The following DPY19L3 variants were observed in gnomAD, a reference collection of about 807,000 sequenced individuals.
DPY19L3 encodes the protein protein C-mannosyl-transferase DPY19L3.
Under a neutral mutation model 92.3 loss-of-function variants are expected in DPY19L3, and 51 were observed. The ratio of observed to expected loss-of-function variants is 0.55; its 90% CI spans 0.44 to 0.70. The LOEUF (loss-of-function observed/expected upper bound fraction) is 0.70. DPY19L3 is among the 30% of genes least tolerant of loss of function. The probability of loss-of-function intolerance (pLI) is 0.00; values close to 1 mark genes in which losing one functional copy is unlikely to be tolerated. For missense variants in DPY19L3, 706 were observed against 855.9 expected (o/e 0.82, Z 2.18); for synonymous variants, 309 against 315.2 (o/e 0.98, Z 0.21).
chr19:32,463,589 T>A, intron 13 of DPY19L3, 101 bp downstream of exon 13: 2 of 1,374,636 alleles, frequency 1.5e-6, no homozygotes, highest in Non-Finnish European at 2.0e-6. Context: ...TTAATGATCA[T>A]GGTTCCCATA....
intron 8 of DPY19L3, among the ~76,000 whole-genome samples, chr19:32,444,668 T>C (rs560014678): frequency 5.3e-5 from 8 of 152,314 alleles, no homozygotes; most frequent in Non-Finnish European, 4.4e-5. Flanking sequence ...AGAGCCACAC[T>C]AAGACACATT....
chr19:32,413,869 G>C (rs933140950), intron 3 of DPY19L3, among the ~76,000 whole-genome samples: 3 of 152,052 alleles, frequency 2.0e-5, no homozygotes, highest in African/African-American at 7.2e-5. Flanking sequence ...GGGACCACAG[G>C]TGCACGTCAC....
chr19:32,485,805 G>A lies in DPY19L3; in HGVS notation c.*3565G>A, dbSNP rs1970782820. ...TTGATTTTCTGTTTTAACACCCTTT[G>A]GGTAAAATCTTGCAAAGAGCTTTTA... On this transcript the variant is annotated 3_prime_UTR_variant, in exon 19 of 19. Coordinates refer to ENST00000392250, the MANE Select transcript of DPY19L3 (RefSeq NM_001172774.2). The A allele has an allele frequency of 6.6e-6, 1 of 152,114 alleles. No individual in the cohort carries two copies. Among genetic ancestry groups the A allele is most frequent in the African/African-American group, 2.4e-5 (1 of 41,428 alleles). 9.4% of individuals were successfully genotyped at this position (152,114 alleles called of 1,614,324 possible). A position where few individuals can be genotyped will look rare whatever the true frequency, so the allele number is the denominator to read the frequency against.
In DPY19L3 at chr19:32,436,583, T is replaced by C. The variant is rs748122444; in HGVS notation, c.450+16T>C. On this transcript the variant is annotated intron_variant, in intron 5 of 18. Coordinates refer to ENST00000392250, the MANE Select transcript of DPY19L3 (RefSeq NM_001172774.2). ...ACCCATACAGGTATGTTTTGTGATA[T>C]TGAATTATTAATATCAGATGAAAGT... 7 of 1,460,740 alleles carry C rather than the reference T, an allele frequency of 4.8e-6. No homozygotes were observed. The highest frequency in any genetic ancestry group is 2.9e-5 in the African/African-American group (2 of 69,742). 90.5% of individuals were successfully genotyped at this position (1,460,740 alleles called of 1,614,324 possible).
At chr19:32,425,262 C>T (rs1006380801) in intron 3 of DPY19L3, among the ~76,000 whole-genome samples, 1 of 152,100 alleles carries the variant, frequency 6.6e-6, no homozygotes, top group Non-Finnish European at 1.5e-5. Flanking sequence ...CTCCAAAGTA[C>T]ACCATCAGAC....
At chr19:32,412,022 A>C (rs1968201662) in intron 3 of DPY19L3, 1 of 152,200 alleles carries the variant, frequency 6.6e-6, no homozygotes, top group African/African-American at 2.4e-5. Flanking sequence ...GACCCCAGGC[A>C]TGCACCACCT....
chr19:32,463,175 TTAA>T, intron 12 of DPY19L3, among the ~76,000 whole-genome samples, 188 bp from the exon 13 acceptor site: 1 of 152,352 alleles, frequency 6.6e-6, no homozygotes, highest in Middle Eastern at 3.4e-3. Context: ...TTTCTCATTA[TTAA>T]TGCATTTATA....
chr19:32,410,014 A>G (rs1774550603), intron 2 of DPY19L3, among the ~76,000 whole-genome samples: 1 of 152,192 alleles, frequency 6.6e-6, no homozygotes, highest in Middle Eastern at 3.2e-3. Flanking sequence ...CACTGCTGCC[A>G]TGTTGCATTC....
At chr19:32,457,751 G>A (rs575293948) in intron 10 of DPY19L3, among the ~76,000 whole-genome samples, 15 of 152,262 alleles carry the variant, frequency 9.9e-5, no homozygotes, top group Non-Finnish European at 1.6e-4. Flanking sequence ...TCAGATCATC[G>A]TCTTGTCAGT....
chr19:32,449,993 A>G (rs914753777), intron 8 of DPY19L3, among the ~76,000 whole-genome samples: 2 of 144,796 alleles, frequency 1.4e-5, no homozygotes, highest in African/African-American at 2.6e-5. Context: ...ACGAGAGAGA[A>G]TATTTGCAAT....
In DPY19L3 at chr19:32,482,144, A is replaced by G. The variant is rs1212768914; in HGVS notation, c.2055A>G (p.Glu685=). 1.2e-6 allele frequency: 2 copies of G among 1,613,910 alleles called. No individual in the cohort carries two copies. Among genetic ancestry groups the G allele is most frequent in the Admixed American group, 1.7e-5 (1 of 60,014 alleles). ...LKPADHPRFC[E]EIKRNLPPYV... ...CTGCAGACCACCCTCGCTTCTGTGA[A>G]GAGATCAAAAGAAACCTGCCTCCCT... is the stretch of plus-strand genomic sequence containing the variant. Residue 685 remains glutamate (E), a synonymous_variant, in exon 19 of 19, where the codon GAA becomes GAG. Transcript: ENST00000392250.
chr19:32,408,400 T>G (rs192728264), intron 2 of DPY19L3, 44 bp downstream of exon 2: 3 of 1,438,632 alleles, frequency 2.1e-6, no homozygotes, highest in Middle Eastern at 1.8e-4. Flanking sequence ...TGCTTTTATT[T>G]CTGCATATTA....
intron 16 of DPY19L3, among the ~76,000 whole-genome samples, chr19:32,474,483 G>C (rs572495835): frequency 6.6e-6 from 1 of 152,212 alleles, no homozygotes; most frequent in African/African-American, 2.4e-5. Flanking sequence ...TTCATTTCCA[G>C]CTTAGCTGAA....
chr19:32,426,951 G>C (rs975162498), intron 3 of DPY19L3, among the ~76,000 whole-genome samples: 1 of 152,136 alleles, frequency 6.6e-6, no homozygotes, highest in Non-Finnish European at 1.5e-5. Context: ...GCCTGAAGTC[G>C]TTTCCCTTTG....
At chr19:32,452,215 G>A (rs1969724145) in intron 8 of DPY19L3, among the ~76,000 whole-genome samples, 1 of 152,150 alleles carries the variant, frequency 6.6e-6, no homozygotes, top group African/African-American at 2.4e-5. Flanking sequence ...TCTTGTTCAC[G>A]ATGAACCATT....
chr19:32,457,922 T>C (rs896341379), intron 10 of DPY19L3, among the ~76,000 whole-genome samples, 178 bp from the exon 11 acceptor site: 10 of 152,244 alleles, frequency 6.6e-5, no homozygotes, highest in Admixed American at 2.6e-4. Context: ...TGGAAGGAGT[T>C]TGGAAGTCCC....
At chr19:32,439,991 G>A in intron 8 of DPY19L3, 81 bp downstream of exon 8, 1 of 1,534,112 alleles carries the variant, frequency 6.5e-7, no homozygotes, top group East Asian at 2.3e-5. Context: ...AAATATGCAA[G>A]TACTTATGGA....
chr19:32,456,624 G>A (rs899019100), intron 10 of DPY19L3, among the ~76,000 whole-genome samples: 1 of 147,950 alleles, frequency 6.8e-6, no homozygotes, highest in Admixed American at 6.7e-5. Flanking sequence ...TGTAGAGATG[G>A]GATCTTGTCA....
chr19:32,458,184 A>G lies in DPY19L3; in HGVS notation c.1163+11A>G. 6.2e-7 allele frequency: 1 copy of G among 1,611,066 alleles called. No individual in the cohort carries two copies. The highest frequency in any genetic ancestry group is 8.5e-7 in the Non-Finnish European group (1 of 1,178,554). The stretch of plus-strand genomic sequence containing the variant: ...GCTTGGAGCAACAAGGTATAACTGA[A>G]TTGAAAGTCTATGTTTGCTATTTTC... On this transcript the variant is annotated intron_variant, in intron 11 of 18. Transcript: ENST00000392250.
Sources: allele counts gnomAD v4.1 joint callset (sites outside exome capture counted in the v4.1 genomes callset), GRCh38; gene constraint gnomAD v4.1.1; transcripts MANE v1.5; gene names NCBI Gene and HGNC (gene_info 2026-07-23, HGNC 2026-07-21).